WASHC5: variants seen among roughly 807,000 people sequenced by gnomAD.
WASHC5 encodes WASH complex subunit strumpellin.
Under a neutral mutation model 150.4 loss-of-function variants are expected in WASHC5, and 101 were observed. The observed-to-expected ratio is 0.67, with a 90% CI of 0.57 to 0.79. The LOEUF (loss-of-function observed/expected upper bound fraction) is 0.79, where lower values mean the gene tolerates loss of function less well. WASHC5 is among the 30% of genes least tolerant of loss of function. WASHC5 has a pLI of 0.00. For synonymous variants in WASHC5, 467 were observed against 491.2 expected (o/e 0.95, Z 0.65); for missense variants, 1,195 against 1,396.3 (o/e 0.86, Z 2.30).
rs527434329 is a variant in WASHC5 at position 125,061,108 on chromosome 8, C to T, written c.1495G>A (p.Val499Ile). 21 of 1,609,572 alleles carry T rather than the reference C, an allele frequency of 1.3e-5. No individual in the cohort carries two copies. In the South Asian group the frequency reaches 2.1e-4, roughly 16 times the overall value. The change falls in exon 12 of 29, where the codon GTA becomes ATA. Residue 499 changes from valine to isoleucine, a missense_variant. Transcript: ENST00000318410. ...TCTTCCAAAGCTTGTATCAGTTGTA[C>T]AGTTTTTCTGCCCGCAGCAGTAGAA... is the stretch of plus-strand genomic sequence containing the variant. ...DDSTAAGRKT[V>I]QLIQALEEVQ...
At chr8:125,048,933 T>C in intron 19 of WASHC5, 73 bp downstream of exon 19, 1 of 1,222,596 alleles carries the variant, frequency 8.2e-7, no homozygotes, top group Non-Finnish European at 1.1e-6. Flanking sequence ...TTGACATTTC[T>C]GAGGTTTGGG....
At chr8:125,079,463 T>C (rs1335807347) in intron 5 of WASHC5, among the ~76,000 whole-genome samples, 1 of 152,226 alleles carries the variant, frequency 6.6e-6, no homozygotes, top group African/African-American at 2.4e-5. Context: ...AGTGCTGGGA[T>C]TACAGGTGTG....
At chr8:125,088,610 T>C (rs547246323) in intron 1 of WASHC5, among the ~76,000 whole-genome samples, 5 of 152,078 alleles carry the variant, frequency 3.3e-5, no homozygotes, top group Middle Eastern at 3.4e-3. Flanking sequence ...GACAAGGAAC[T>C]GAGGCTTGCC....
intron 23 of WASHC5, chr8:125,040,914 G>A (rs1370758417): frequency 6.6e-6 from 1 of 152,126 alleles, no homozygotes; most frequent in African/African-American, 2.4e-5. Flanking sequence ...TCAGAATAAC[G>A]TTTTTGAATG....
chr8:125,070,573 T>G (rs1413536031), intron 9 of WASHC5, among the ~76,000 whole-genome samples: 1 of 152,204 alleles, frequency 6.6e-6, no homozygotes, highest in East Asian at 1.9e-4. Context: ...CAGGATAAAG[T>G]GAGGGCTTGA....
chr8:125,059,481 C>G lies in WASHC5; in HGVS notation c.1583G>C (p.Arg528Pro), dbSNP rs748436437. The G allele has an allele frequency of 6.2e-7, 1 of 1,613,854 alleles. No homozygotes were observed. Among genetic ancestry groups the G allele is most frequent in the South Asian group, 1.1e-5 (1 of 91,074 alleles). ...TCTGATCATTTGATGAAGAAACTTT[C>G]GAGTATCGGCAAGAAACTGACATAC... is the stretch of plus-strand genomic sequence containing the variant. The part of the protein sequence containing the change: ...LQVCQFLADT[R>P]KFLHQMIRTI... Residue 528 changes from arginine (R) to proline (P), a missense_variant, in exon 13 of 29, where the codon CGA (arginine) becomes CCA (proline). Physicochemically the swap from Arg to Pro is moderately radical, Grantham distance 103. This residue lies in a region of WASHC5 where 997 missense variants were observed against 1,168.1 expected (regional missense o/e 0.85). Transcript: ENST00000318410.
chr8:125,080,708 C>A lies in WASHC5; in HGVS notation c.518+953G>T, dbSNP rs559381968. On this transcript the variant is annotated intron_variant, in intron 5 of 28. Transcript: ENST00000318410. The stretch of plus-strand genomic sequence containing the variant: ...TCATTCAACCAATTGAAAATCTGTG[C>A]GTTAGACACTAAAATTAAAAAGTTG... 2.6e-5 allele frequency among the ~76,000 whole-genome samples: 4 copies of A among 152,118 alleles called. No individual in the cohort carries two copies. In the East Asian group the frequency reaches 7.7e-4, roughly 29 times the overall value.
intron 27 of WASHC5, among the ~76,000 whole-genome samples, chr8:125,031,443 ATT>A (rs1222391129): frequency 2.0e-5 from 3 of 151,950 alleles, no homozygotes; most frequent in Non-Finnish European, 4.4e-5. Flanking sequence ...CATGTGGTTA[ATT>A]TTTGTGTTTT....
At position 125,049,003 on chromosome 8, in the gene WASHC5, T is replaced by C. The variant is rs1272893955; in HGVS notation, c.2379+3A>G. On this transcript the variant is annotated splice_donor_region_variant and intron_variant, in intron 19 of 28. Transcript: ENST00000318410. Reference sequence around the variant, plus strand: ...GTCAAGAATTTTAAAATTTATTAGATACCTTCGTTCTTAGAAAGTTATTAC... The same window carrying C: ...GTCAAGAATTTTAAAATTTATTAGACACCTTCGTTCTTAGAAAGTTATTAC... The C allele has an allele frequency of 1.2e-6, 2 of 1,604,608 alleles. No individual in the cohort carries two copies. Among genetic ancestry groups the C allele is most frequent in the East Asian group, 2.2e-5 (1 of 44,742 alleles).
intron 24 of WASHC5, among the ~76,000 whole-genome samples, chr8:125,039,289 C>T (rs529497539): frequency 4.8e-4 from 73 of 152,166 alleles, no homozygotes; most frequent in Non-Finnish European, 1.9e-4. Flanking sequence ...AAGTAGGCAG[C>T]CTCAAATGAC....
chr8:125,081,986 C>T lies in WASHC5; in HGVS notation c.418-225G>A, dbSNP rs3793445. ...TTCATAGTGATAATTTTTCAGTTGA[C>T]CTATTTTGGCTATGTTGCTTGGGAC... On this transcript the variant is annotated intron_variant, in intron 4 of 28. Coordinates refer to ENST00000318410, the MANE Select transcript of WASHC5 (RefSeq NM_014846.4). Among the ~76,000 whole-genome samples, 19,752 of 152,214 alleles carry T rather than the reference C, an allele frequency of 0.13. 3,128 individuals are homozygous for T. The highest frequency in any genetic ancestry group is 0.38 in the African/African-American group (15,675 of 41,498).
At chr8:125,049,228 T>C (rs753047887) in intron 18 of WASHC5, 43 bp from the exon 19 acceptor site, 15 of 1,595,250 alleles carry the variant, frequency 9.4e-6, no homozygotes, top group Middle Eastern at 1.7e-4. Context: ...CTGGAGTAGA[T>C]TGTCAACTAT....
Position 125,055,467 on chromosome 8 carries a change from A to AC in WASHC5, c.2097+123dup, listed in dbSNP as rs1322386955. 5 of 754,538 alleles carry AC rather than the reference A, an allele frequency of 6.6e-6. No individual in the cohort carries two copies. In the East Asian group the frequency reaches 1.2e-4, roughly 19 times the overall value. 46.7% of individuals were successfully genotyped at this position (754,538 alleles called of 1,614,324 possible). A position where few individuals can be genotyped will look rare whatever the true frequency, so the allele number is the denominator to read the frequency against. ...AATAAAATAAATGAGTAAAATGAAG[A>AC]CCGAAATTGGAATGTCAAACAGCCA... On this transcript the variant is annotated intron_variant, in intron 17 of 28. Transcript: ENST00000318410.
At position 125,062,307 on chromosome 8, in the gene WASHC5, G is replaced by C. The variant is rs561149374; in HGVS notation, c.1409-1113C>G. Among the ~76,000 whole-genome samples the C allele has an allele frequency of 2.0e-5, 3 of 152,190 alleles. No homozygotes were observed. The East Asian group carries it at 5.8e-4, about 29-fold the overall frequency. On this transcript the variant is annotated intron_variant, in intron 11 of 28. Coordinates refer to ENST00000318410, the MANE Select transcript of WASHC5 (RefSeq NM_014846.4). ...GTATCTTACAGGGTTGTAAGGATGA[G>C]AAAAAACTGTGAAAGTATGTCCTAA...
At chr8:125,057,033 T>G (rs981399218) in intron 15 of WASHC5, among the ~76,000 whole-genome samples, 11 of 152,232 alleles carry the variant, frequency 7.2e-5, no homozygotes, top group Admixed American at 6.5e-5. Flanking sequence ...TGCAAAAGAC[T>G]GTATCATTCC....
chr8:125,045,800 C>T (rs1175151942), intron 20 of WASHC5, among the ~76,000 whole-genome samples: 4 of 152,172 alleles, frequency 2.6e-5, no homozygotes, highest in Admixed American at 2.0e-4. Context: ...ACTGGGGAGG[C>T]CCCCAATTCT....
chr8:125,037,676 C>G (rs576413207), intron 25 of WASHC5, among the ~76,000 whole-genome samples: 1 of 151,184 alleles, frequency 6.6e-6, no homozygotes, highest in South Asian at 2.1e-4. Context: ...TGAGGAAGAG[C>G]TGGAGGTGAA....
intron 19 of WASHC5, 90 bp from the exon 20 acceptor site, chr8:125,047,421 C>T (rs1816100954): frequency 7.7e-7 from 1 of 1,294,230 alleles, no homozygotes; most frequent in Non-Finnish European, 1.1e-6. Flanking sequence ...GATAATATTG[C>T]ATAAAGAGTG....
In WASHC5 at chr8:125,055,625, A is replaced by G. The variant is rs1320924686; in HGVS notation, c.2063T>C (p.Leu688Ser). The change falls in exon 17 of 29, where the codon TTA becomes TCA. Residue 688 changes from leucine (L) to serine (S), a missense_variant. Around this residue, in one of 3 missense-constraint regions of WASHC5, gnomAD observed 997 missense variants for 1,168.1 expected, o/e 0.85. Coordinates refer to ENST00000318410, the MANE Select transcript of WASHC5 (RefSeq NM_014846.4). ...HAISIFTEGI[L>S]MMKTTLVGII... Reference sequence around the variant, plus strand: ...GCCAACCAAAGTCGTTTTCATCATTAAGATGCCTTCAGTAAAAATGGAAAT... The same window carrying G: ...GCCAACCAAAGTCGTTTTCATCATTGAGATGCCTTCAGTAAAAATGGAAAT... The G allele has an allele frequency of 6.2e-7, 1 of 1,613,178 alleles. No homozygotes were observed. The highest frequency in any genetic ancestry group is 8.5e-7 in the Non-Finnish European group (1 of 1,179,210).
Sources: gnomAD v4.1 joint callset for allele counts (sites outside exome capture counted in the v4.1 genomes callset) on GRCh38, gnomAD v4.1.1 for gene constraint, gnomAD v4.1.1 regional missense constraint, MANE v1.5 for transcripts, NCBI Gene and HGNC (gene_info 2026-07-23, HGNC 2026-07-21) for gene names.